Variants in DMD observed in about 807,000 individuals in gnomAD.
DMD encodes the protein mutant dystrophin.
A neutral mutation model predicts 330.1 loss-of-function variants in DMD; 63 were observed. That is an observed-to-expected ratio of 0.19 (90% CI 0.16 to 0.24). The LOEUF (loss-of-function observed/expected upper bound fraction) is 0.24. DMD is among the 10% of genes least tolerant of loss of function. The pLI, the probability that DMD is intolerant of heterozygous loss-of-function variation, is 1.00. For synonymous variants in DMD, 1,223 were observed against 959.8 expected (o/e 1.27, Z -5.07); for missense variants, 3,344 against 2,684.1 (o/e 1.25, Z -5.43).
At chrX:32,237,019 TTTTC>T (rs1175574967) in intron 43 of DMD, among the ~76,000 whole-genome samples, 7 of 111,996 alleles carry the variant, frequency 6.3e-5, no homozygotes, top group African/African-American at 2.3e-4. Flanking sequence ...AGCCTATGTC[TTTTC>T]TTTGTTTATG....
chrX:32,817,245 A>C (rs1177357087), intron 5 of DMD, among the ~76,000 whole-genome samples: 1 of 111,523 alleles, frequency 9.0e-6, no homozygotes, highest in Non-Finnish European at 1.9e-5. Flanking sequence ...ACTGAAAAGA[A>C]GACAGAAATG....
intron 67 of DMD, among the ~76,000 whole-genome samples, chrX:31,191,977 C>A (rs1330438752): frequency 1.8e-5 from 2 of 112,443 alleles, no homozygotes; most frequent in Non-Finnish European, 3.7e-5. Context: ...GAATTACAGT[C>A]TGTACACAAA....
chrX:32,584,165 C>T (rs1158658757), intron 13 of DMD, among the ~76,000 whole-genome samples: 2 of 110,593 alleles, frequency 1.8e-5, no homozygotes, highest in Non-Finnish European at 3.8e-5. Context: ...TTTAAATGGC[C>T]AATAACAACT....
chrX:31,945,827 G>A (rs1460706027), intron 45 of DMD, among the ~76,000 whole-genome samples: 1 of 111,643 alleles, frequency 9.0e-6, no homozygotes, highest in African/African-American at 3.3e-5. Context: ...GTCAGCTATA[G>A]TTATTATAGT....
chrX:31,676,596 T>G (rs2082092752), intron 53 of DMD, among the ~76,000 whole-genome samples: 1 of 111,927 alleles, frequency 8.9e-6, no homozygotes, highest in South Asian at 3.7e-4. Flanking sequence ...TTGCTTTGTT[T>G]TAGCCACGTA....
At position 32,644,206 on chromosome X, in the gene DMD, T is replaced by C. The variant is rs750653819; in HGVS notation, c.1257A>G (p.Glu419=). ...TTAGGAGATTCATCTGCTCTTGTAC[T>C]TCAGTTTCTTCATCTTCTGATAATT... The part of the protein sequence containing the change: ...TGKLSEDEET[E]VQEQMNLLNS... The change falls in exon 11 of 79, where the codon GAA becomes GAG. Residue 419 remains glutamate (E), a synonymous_variant. Transcript: ENST00000357033. 5 of 1,207,999 alleles carry C rather than the reference T, an allele frequency of 4.1e-6. No individual in the cohort carries two copies. The highest frequency in any genetic ancestry group is 4.5e-6 in the Non-Finnish European group (4 of 893,585).
intron 12 of DMD, among the ~76,000 whole-genome samples, chrX:32,612,518 T>G (rs1026960337): frequency 1.8e-5 from 2 of 111,701 alleles, no homozygotes; most frequent in Admixed American, 1.9e-4. Context: ...AAGACAATTC[T>G]TCCAATGTCG....
intron 1 of DMD, among the ~76,000 whole-genome samples, chrX:33,158,980 C>T (rs1001587958): frequency 9.0e-5 from 10 of 111,354 alleles, no homozygotes; most frequent in Admixed American, 3.8e-4. Context: ...TTTTAAACAC[C>T]GAAGTAAGTG....
At chrX:31,418,723 CA>C (rs1275490215) in intron 60 of DMD, among the ~76,000 whole-genome samples, 6 of 112,190 alleles carry the variant, frequency 5.3e-5, no homozygotes, top group African/African-American at 1.9e-4. Context: ...ACTTGATCCA[CA>C]AGTGATTTCA....
intron 16 of DMD, among the ~76,000 whole-genome samples, chrX:32,554,825 GGGGAGGGAGAGAGAGAGA>G (rs1206839501): frequency 8.1e-4 from 6 of 7,364 alleles, no homozygotes; most frequent in African/African-American, 3.2e-3. Flanking sequence ...AGGGAGGGAG[GGGGAGGGAGAGAGAGAGA>G]GAGAGAGAGA....
intron 62 of DMD, among the ~76,000 whole-genome samples, chrX:31,303,929 C>T (rs2034298277): frequency 8.9e-6 from 1 of 112,217 alleles, no homozygotes; most frequent in Admixed American, 9.5e-5. Flanking sequence ...GTACCCTTTA[C>T]ATCTAGCAAT....
intron 21 of DMD, among the ~76,000 whole-genome samples, chrX:32,484,277 G>A (rs755134409): frequency 2.3e-4 from 26 of 111,964 alleles, no homozygotes; most frequent in African/African-American, 8.4e-4. Context: ...ATATTTTGGA[G>A]CAGATACTAT....
intron 49 of DMD, among the ~76,000 whole-genome samples, chrX:31,827,391 T>C (rs1003538328): frequency 5.3e-5 from 6 of 112,245 alleles, no homozygotes; most frequent in Admixed American, 1.9e-4. Flanking sequence ...ACTCAATTTA[T>C]ATGCACCTAA....
intron 7 of DMD, among the ~76,000 whole-genome samples, chrX:32,725,446 A>G: frequency 9.0e-6 from 1 of 111,444 alleles, no homozygotes; most frequent in Non-Finnish European, 1.9e-5. Context: ...TGGATGAAAA[A>G]AGATATTCCA....
chrX:31,295,413 C>T (rs2054108507), intron 62 of DMD, among the ~76,000 whole-genome samples: 1 of 109,754 alleles, frequency 9.1e-6, no homozygotes, highest in African/African-American at 3.3e-5. Context: ...GTGTACAATT[C>T]AATATTTTTG....
chrX:33,283,968 A>T (rs1357843272), intron 1 of DMD, among the ~76,000 whole-genome samples: 1 of 111,154 alleles, frequency 9.0e-6, no homozygotes, highest in African/African-American at 3.3e-5. Flanking sequence ...CAGTGAGCCA[A>T]GATCGCGCCA....
chrX:32,444,066 G>T (rs991506545), intron 27 of DMD, among the ~76,000 whole-genome samples: 3 of 110,604 alleles, frequency 2.7e-5, no homozygotes, highest in Non-Finnish European at 5.7e-5. Flanking sequence ...ATCAGAACAG[G>T]GTATACGACA....
At chrX:32,646,417 G>C (rs781457201) in intron 9 of DMD, among the ~76,000 whole-genome samples, 2 of 111,487 alleles carry the variant, frequency 1.8e-5, no homozygotes, top group African/African-American at 3.3e-5. Context: ...GAGGTGAGCA[G>C]AACAAACAAA....
chrX:33,137,599 T>G (rs2095534894), intron 1 of DMD, among the ~76,000 whole-genome samples: 1 of 112,230 alleles, frequency 8.9e-6, no homozygotes, highest in South Asian at 3.7e-4. Context: ...ATGAGCTCCT[T>G]CTTTTGCTGA....
Sources: allele counts gnomAD v4.1 joint callset (sites outside exome capture counted in the v4.1 genomes callset), GRCh38; gene constraint gnomAD v4.1.1; transcripts MANE v1.5; gene names NCBI Gene and HGNC (gene_info 2026-07-23, HGNC 2026-07-21).